ERICH1: variants seen among roughly 807,000 people sequenced by gnomAD.
ERICH1 encodes the protein glutamate rich 1.
A neutral mutation model predicts 39.6 loss-of-function variants in ERICH1; 56 were observed. The observed-to-expected ratio is 1.41, with a 90% CI of 1.14 to 1.77. The LOEUF is 1.77. ERICH1 is among the 40% of genes most tolerant of loss of function. The pLI is 0.00. For missense variants in ERICH1, 826 were observed against 575.4 expected, an observed-to-expected ratio of 1.44 and a Z score of -4.45; for synonymous variants, 313 against 223.6, an observed-to-expected ratio of 1.40 and a Z score of -3.57.
intron 2 of ERICH1, among the ~76,000 whole-genome samples, chr8:714,036 C>A (rs1416657277): frequency 2.1e-5 from 2 of 96,694 alleles, no homozygotes; most frequent in Non-Finnish European, 4.2e-5. Flanking sequence ...ATGTGCTGCA[C>A]CCAGGCGGCC....
intron 3 of ERICH1, among the ~76,000 whole-genome samples, chr8:655,960 C>G (rs7840434): frequency 0.14 from 20,972 of 152,012 alleles, 1,775 homozygotes; most frequent in East Asian, 0.36. Flanking sequence ...GTCCCTCCCC[C>G]TGCCCAGGTG....
chr8:704,542 G>A (rs1812829302), intron 2 of ERICH1, among the ~76,000 whole-genome samples: 1 of 152,174 alleles, frequency 6.6e-6, no homozygotes, highest in African/African-American at 2.4e-5. Context: ...TCACAAAACG[G>A]AATAATCGTG....
intron 3 of ERICH1, among the ~76,000 whole-genome samples, chr8:655,875 T>C (rs188194002): frequency 6.6e-5 from 10 of 152,280 alleles, no homozygotes; most frequent in Admixed American, 3.3e-4. Context: ...CTGTCTTACT[T>C]TTCCCTCCAC....
At chr8:730,784 T>G in intron 1 of ERICH1, among the ~76,000 whole-genome samples, 1 of 152,216 alleles carries the variant, frequency 6.6e-6, no homozygotes, top group East Asian at 1.9e-4. Context: ...CCCGGAGCCC[T>G]GGGCTAGGAC....
Position 731,128 on chromosome 8 carries a change from G to A in ERICH1, c.22+12C>T, listed in dbSNP as rs1227451673. 7 of 1,515,684 alleles carry A rather than the reference G, an allele frequency of 4.6e-6. No homozygotes were observed. Among genetic ancestry groups the A allele is most frequent in the Admixed American group, 2.0e-5 (1 of 49,328 alleles). The allele number at this position is 1,515,684 out of a possible 1,614,324, so 93.9% of individuals were successfully genotyped here. A position where few individuals can be genotyped will look rare whatever the true frequency, so the allele number is the denominator to read the frequency against. Reference sequence around the variant, plus strand: ...TGGGGTCTGGGCAGGCCTCCGCACCGCACCCACCTACCGTGCTTCCTGTGC... The same window carrying A: ...TGGGGTCTGGGCAGGCCTCCGCACCACACCCACCTACCGTGCTTCCTGTGC... On this transcript the variant is annotated intron_variant, in intron 1 of 5. Transcript: ENST00000262109.
chr8:627,451 T>C (rs1382573723), intron 3 of ERICH1, among the ~76,000 whole-genome samples: 1 of 152,208 alleles, frequency 6.6e-6, no homozygotes, highest in Non-Finnish European at 1.5e-5. Flanking sequence ...GCATTTGCGC[T>C]ATGTTATATC....
At chr8:688,850 A>G (rs1009795774) in intron 3 of ERICH1, among the ~76,000 whole-genome samples, 2 of 152,256 alleles carry the variant, frequency 1.3e-5, no homozygotes, top group African/African-American at 4.8e-5. Context: ...ACACGAGTTC[A>G]TAAGAACAAA....
intron 3 of ERICH1, among the ~76,000 whole-genome samples, chr8:688,382 C>G (rs963143724): frequency 6.7e-5 from 10 of 149,910 alleles, no homozygotes; most frequent in Admixed American, 2.0e-4. Flanking sequence ...CCGGTCCCTC[C>G]GCAGGCTCCA....
intron 3 of ERICH1, among the ~76,000 whole-genome samples, chr8:624,935 C>T (rs1211042027): frequency 6.6e-6 from 1 of 152,044 alleles, no homozygotes; most frequent in Non-Finnish European, 1.5e-5. Context: ...ACCGTGTTAG[C>T]CAGGATGGTC....
intron 2 of ERICH1, among the ~76,000 whole-genome samples, chr8:695,521 A>G (rs71514186): frequency 0.11 from 13,495 of 119,812 alleles, 1,178 homozygotes; most frequent in Middle Eastern, 0.24. Context: ...ATCAGCCTGC[A>G]CCTGTGCTTG....
At chr8:674,133 C>T in intron 3 of ERICH1, 86 bp from the exon 4 acceptor site, 1 of 1,423,234 alleles carries the variant, frequency 7.0e-7, no homozygotes, top group Admixed American at 2.6e-5. Context: ...CCATCAGGAT[C>T]TTGTAGTTTT....
At chr8:703,648 C>T (rs1812653217) in intron 2 of ERICH1, among the ~76,000 whole-genome samples, 1 of 152,184 alleles carries the variant, frequency 6.6e-6, no homozygotes, top group Non-Finnish European at 1.5e-5. Context: ...CCCTTCTTCT[C>T]CTCCTTCCCG....
intron 3 of ERICH1, among the ~76,000 whole-genome samples, chr8:634,033 C>T (rs1455022181): frequency 6.6e-5 from 10 of 151,898 alleles, no homozygotes; most frequent in East Asian, 1.9e-4. Flanking sequence ...AGCGGGACTG[C>T]GTGGAAACAA....
chr8:707,275 T>A (rs1813517490), intron 2 of ERICH1, among the ~76,000 whole-genome samples: 1 of 151,206 alleles, frequency 6.6e-6, no homozygotes, highest in Non-Finnish European at 1.5e-5. Context: ...TGATGCGATC[T>A]TGGCTCACTG....
chr8:655,810 G>A (rs1800588488), intron 3 of ERICH1, among the ~76,000 whole-genome samples: 2 of 151,622 alleles, frequency 1.3e-5, no homozygotes, highest in Admixed American at 1.3e-4. Context: ...AATTTCTATT[G>A]TTGTATGTGC....
chr8:717,375 A>G (rs1816253152), intron 1 of ERICH1, among the ~76,000 whole-genome samples: 2 of 152,164 alleles, frequency 1.3e-5, no homozygotes. Flanking sequence ...GCCTTGCCTC[A>G]AGCATACCTG....
At chr8:722,719 T>C (rs1273877292) in intron 1 of ERICH1, among the ~76,000 whole-genome samples, 1 of 152,218 alleles carries the variant, frequency 6.6e-6, no homozygotes, top group African/African-American at 2.4e-5. Context: ...CTATCACCCT[T>C]ATAAACTGGT....
chr8:713,831 G>A (rs910697019), intron 2 of ERICH1, among the ~76,000 whole-genome samples: 1 of 152,174 alleles, frequency 6.6e-6, no homozygotes, highest in Non-Finnish European at 1.5e-5. Flanking sequence ...CCCAGTGAGA[G>A]ACCACCACTA....
intron 2 of ERICH1, 33 bp from the exon 3 acceptor site, chr8:692,645 T>C (rs778221952): frequency 5.2e-6 from 8 of 1,541,524 alleles, no homozygotes; most frequent in East Asian, 4.7e-5. Flanking sequence ...CAGGAACTGG[T>C]AAATATCACA....
Sources: allele counts gnomAD v4.1 joint callset (sites outside exome capture counted in the v4.1 genomes callset), GRCh38; gene constraint gnomAD v4.1.1; transcripts MANE v1.5; gene names NCBI Gene and HGNC (gene_info 2026-07-23, HGNC 2026-07-21).